The following CNST variants were observed in gnomAD, a reference collection of about 807,000 sequenced individuals.
CNST encodes consortin.
CNST carries 39 observed loss-of-function variants against 72.4 expected under a neutral mutation model. The ratio of observed to expected loss-of-function variants is 0.54; its 90% CI spans 0.42 to 0.70. CNST has a LOEUF of 0.70. CNST is among the 30% of genes least tolerant of loss of function. The probability of loss-of-function intolerance (pLI) is 0.00; values close to 1 mark genes in which losing one functional copy is unlikely to be tolerated. For synonymous variants in CNST, 332 were observed against 320.1 expected, an observed-to-expected ratio of 1.04 and a Z score of -0.40; for missense variants, 871 against 868.5, an observed-to-expected ratio of 1.00 and a Z score of -0.04.
At chr1:246,586,447 A>G (rs1465645713) in intron 1 of CNST, among the ~76,000 whole-genome samples, 4 of 148,338 alleles carry the variant, frequency 2.7e-5, no homozygotes, top group Non-Finnish European at 4.5e-5. Flanking sequence ...TATGCAAGCT[A>G]TATCTTATGT....
Position 246,647,355 on chromosome 1 carries a change from C to G in CNST, c.1154C>G (p.Ser385Cys). Residue 385 changes from serine to cysteine, a missense_variant, in exon 9 of 11, where the codon TCT becomes TGT. Transcript: ENST00000366513. ...TCCTCCGAGACAGCAGGGAGCCCGT[C>G]TGGGCCAGACTCTTCTGAGGATGCT... ...TQSSETAGSP[S>C]GPDSSEDACE... 1 of 1,614,168 alleles carries G rather than the reference C, an allele frequency of 6.2e-7. No homozygotes were observed. Among genetic ancestry groups the G allele is most frequent in the Non-Finnish European group, 8.5e-7 (1 of 1,180,034 alleles).
chr1:246,630,652 C>T (rs926287525), intron 3 of CNST, among the ~76,000 whole-genome samples: 7 of 152,148 alleles, frequency 4.6e-5, no homozygotes, highest in Non-Finnish European at 8.8e-5. Context: ...CTCTTTGCAT[C>T]GTCAATTTAC....
chr1:246,644,337 T>G (rs945568805), intron 8 of CNST, among the ~76,000 whole-genome samples: 3 of 134,474 alleles, frequency 2.2e-5, no homozygotes, highest in African/African-American at 8.5e-5. Flanking sequence ...TGCAGTGAGC[T>G]GAGATGGCGC....
chr1:246,648,177 A>T, intron 9 of CNST, 140 bp downstream of exon 9: 5 of 1,426,150 alleles, frequency 3.5e-6, no homozygotes, highest in Non-Finnish European at 4.6e-6. Context: ...GCTTTTAATT[A>T]TTAGTAGTTT....
intron 2 of CNST, 79 bp from the exon 3 acceptor site, chr1:246,621,350 A>G (rs1243848325): frequency 4.4e-6 from 5 of 1,140,754 alleles, no homozygotes; most frequent in Non-Finnish European, 6.5e-6. Flanking sequence ...CAGGGCATCA[A>G]ACTATATGTA....
At chr1:246,600,281 C>T (rs994399508) in intron 2 of CNST, among the ~76,000 whole-genome samples, 1 of 152,194 alleles carries the variant, frequency 6.6e-6, no homozygotes. Context: ...GAGATGGAGG[C>T]TTAGAAGATT....
At chr1:246,632,063 G>A (rs777150975) in intron 4 of CNST, 139 bp downstream of exon 4, 36 of 552,116 alleles carry the variant, frequency 6.5e-5, no homozygotes, top group Admixed American at 1.4e-4. Flanking sequence ...GTATGTACCC[G>A]TGTAACCACC....
chr1:246,600,099 A>G (rs1230071848), intron 2 of CNST, among the ~76,000 whole-genome samples: 2 of 152,230 alleles, frequency 1.3e-5, no homozygotes, highest in Non-Finnish European at 2.9e-5. Context: ...AGTAAAAGCA[A>G]TGCGGACAAA....
At chr1:246,621,306 C>T (rs1664072628) in intron 2 of CNST, 123 bp from the exon 3 acceptor site, 2 of 720,686 alleles carry the variant, frequency 2.8e-6, no homozygotes, top group Middle Eastern at 3.8e-4. Context: ...ACACATTTAC[C>T]TTCCTGTTCA....
intron 10 of CNST, among the ~76,000 whole-genome samples, chr1:246,662,304 T>A (rs1027105785): frequency 6.6e-6 from 1 of 152,242 alleles, no homozygotes; most frequent in African/African-American, 2.4e-5. Flanking sequence ...CCCCTGGAAA[T>A]TAATGTGAGG....
intron 1 of CNST, among the ~76,000 whole-genome samples, chr1:246,585,643 A>C (rs1446344359): frequency 3.1e-5 from 2 of 65,264 alleles, no homozygotes; most frequent in Non-Finnish European, 4.8e-5. Context: ...CTCTGTCTCA[A>C]AAAAAAAAAA....
At position 246,566,514 on chromosome 1, in the gene CNST, G is replaced by A; in HGVS notation, c.-201G>A. ...CCGCGAGGGGTGCGCAGAGGGAGGC[G>A]GGGCGGAAAGGCGAGAGGTGTCTCC... On this transcript the variant is annotated 5_prime_UTR_variant, in exon 1 of 11. Coordinates refer to ENST00000366513, the MANE Select transcript of CNST (RefSeq NM_152609.3). The A allele has an allele frequency of 2.3e-6, 1 of 433,146 alleles. No homozygotes were observed. The highest frequency in any genetic ancestry group is 2.0e-5 in the African/African-American group (1 of 50,172). 26.8% of individuals were successfully genotyped at this position (433,146 alleles called of 1,614,324 possible). A position where few individuals can be genotyped will look rare whatever the true frequency, so the allele number is the denominator to read the frequency against.
In CNST at chr1:246,648,023, A is replaced by T. The variant is rs1481058261; in HGVS notation, c.1822A>T (p.Ile608Leu). Residue 608 changes from isoleucine to leucine, a missense_variant, in exon 9 of 11, where the codon ATA becomes TTA. Physicochemically the swap from Ile to Leu is conservative, Grantham distance 5. Coordinates refer to ENST00000366513, the MANE Select transcript of CNST (RefSeq NM_152609.3). Reference sequence around the variant, plus strand: ...TTCTCTTGATGATCTTGCCAAAAGGATAGAGATTGCAGAGGTAAATCAGAG... The same window carrying T: ...TTCTCTTGATGATCTTGCCAAAAGGTTAGAGATTGCAGAGGTAAATCAGAG... ...CLSLDDLAKR[I>L]EIAEVVPTEG... The T allele has an allele frequency of 6.2e-7, 1 of 1,609,570 alleles. No individual in the cohort carries two copies. The highest frequency in any genetic ancestry group is 1.3e-5 in the African/African-American group (1 of 74,618).
chr1:246,624,005 A>G (rs1361592784), intron 3 of CNST, among the ~76,000 whole-genome samples: 3 of 151,198 alleles, frequency 2.0e-5, no homozygotes, highest in East Asian at 2.0e-4. Context: ...TGAGGCTGCA[A>G]TGAGCCGTGA....
chr1:246,646,279 CAA>C lies in CNST; in HGVS notation c.938-846_938-845del, dbSNP rs550697329. On this transcript the variant is annotated intron_variant, in intron 8 of 10. Transcript: ENST00000366513. ...TGGGTGACAGAGCGAAACTCCGTCT[CAA>C]AAAAAAAAAAAAAGTTGCAAGTAAT... Among the ~76,000 whole-genome samples, 403 of 99,352 alleles carry C rather than the reference CAA, an allele frequency of 4.1e-3. 17 individuals are homozygous for C. Among genetic ancestry groups the C allele is most frequent in the African/African-American group, 0.017 (378 of 22,254 alleles). 65.2% of individuals were successfully genotyped at this position (99,352 alleles called of 152,430 possible). A position where few individuals can be genotyped will look rare whatever the true frequency, so the allele number is the denominator to read the frequency against.
chr1:246,650,358 T>C (rs1331601351), intron 9 of CNST, among the ~76,000 whole-genome samples: 2 of 152,200 alleles, frequency 1.3e-5, no homozygotes, highest in African/African-American at 4.8e-5. Flanking sequence ...AAGCTACATA[T>C]ACATGACTTA....
chr1:246,625,566 CCCGT>C (rs1664369889), intron 3 of CNST, among the ~76,000 whole-genome samples: 1 of 151,620 alleles, frequency 6.6e-6, no homozygotes, highest in South Asian at 2.1e-4. Context: ...GGACTACAGG[CCCGT>C]GCCACCACGC....
rs142855442 is a variant in CNST, at chr1:246,591,579, C to G, written c.17C>G (p.Thr6Ser). The G allele has an allele frequency of 5.0e-5, 81 of 1,613,854 alleles. No homozygotes were observed. In the East Asian group the frequency reaches 1.8e-3, roughly 36 times the overall value. Residue 6 changes from threonine (T) to serine (S), a missense_variant, in exon 2 of 11, where the codon ACT becomes AGT. Thr to Ser is a moderately conservative substitution (Grantham distance 58). Coordinates refer to ENST00000366513, the MANE Select transcript of CNST (RefSeq NM_152609.3). ...GATGCTCTAATGGATGACAGCGATA[C>G]TCCTACATATTATCTGCAAATAGAA... Reference protein sequence around the residue: MDDSDTPTYYLQIEPQ... With the variant: MDDSDSPTYYLQIEPQ...
intron 1 of CNST, among the ~76,000 whole-genome samples, chr1:246,578,528 G>GGGTGT (rs1322555563): frequency 6.6e-6 from 1 of 151,986 alleles, no homozygotes; most frequent in African/African-American, 2.4e-5. Flanking sequence ...AAAATTAGCT[G>GGGTGT]GGTGTGGTGG....
Sources: gnomAD v4.1 joint callset for allele counts (sites outside exome capture counted in the v4.1 genomes callset) on GRCh38, gnomAD v4.1.1 for gene constraint, MANE v1.5 for transcripts, NCBI Gene and HGNC (gene_info 2026-07-23, HGNC 2026-07-21) for gene names.